SAFB: variants seen among roughly 807,000 people sequenced by gnomAD.
SAFB encodes scaffold attachment factor B.
SAFB carries 15 observed loss-of-function variants against 101.6 expected under a neutral mutation model. The observed-to-expected ratio is 0.15, with a 90% CI of 0.10 to 0.23. The LOEUF is 0.23. Among genes scored for constraint, SAFB ranks in the 10% least tolerant of loss-of-function variants. The pLI is 1.00. For synonymous variants in SAFB, 449 were observed against 407.5 expected, an observed-to-expected ratio of 1.10 and a Z score of -1.23; for missense variants, 930 against 1,104.1, an observed-to-expected ratio of 0.84 and a Z score of 2.23.
intron 13 of SAFB, among the ~76,000 whole-genome samples, chr19:5,655,054 T>G (rs2054025472): frequency 1.3e-5 from 2 of 152,182 alleles, no homozygotes; most frequent in African/African-American, 4.8e-5. Flanking sequence ...CCGTGATGCA[T>G]TCCTACACCC....
rs373383218 is a variant in SAFB at position 5,658,625 on chromosome 19, C to T, written c.1862+1278C>T. On this transcript the variant is annotated intron_variant, in intron 14 of 20. Coordinates refer to ENST00000588852, the MANE Select transcript of SAFB (RefSeq NM_001201338.2). The stretch of plus-strand genomic sequence containing the variant: ...GAGGCCGACCGAGGCTGGCGGATCA[C>T]GAGGTCAGGAGATCGAGACCATCCT... Among the ~76,000 whole-genome samples, 183 of 149,568 alleles carry T rather than the reference C, an allele frequency of 1.2e-3. 1 individual carries two copies. The highest frequency in any genetic ancestry group is 4.4e-3 in the African/African-American group (177 of 40,522).
At chr19:5,641,309 AG>A (rs2053708095) in intron 2 of SAFB, among the ~76,000 whole-genome samples, 1 of 152,188 alleles carries the variant, frequency 6.6e-6, no homozygotes, top group Non-Finnish European at 1.5e-5. Flanking sequence ...TGGGATAGGA[AG>A]AAGGGCAGAG....
chr19:5,653,489 T>A, intron 11 of SAFB, 69 bp downstream of exon 11: 1 of 1,392,922 alleles, frequency 7.2e-7, no homozygotes, highest in Non-Finnish European at 1.0e-6. Context: ...GTTTTTGAGA[T>A]GGAGTCGCGC....
chr19:5,627,547 A>G (rs1170009042), intron 2 of SAFB, among the ~76,000 whole-genome samples: 8 of 152,120 alleles, frequency 5.3e-5, no homozygotes, highest in Admixed American at 5.2e-4. Context: ...TCACTTTAAC[A>G]TTTCTTTTAA....
intron 15 of SAFB, 93 bp from the exon 16 acceptor site, chr19:5,663,929 G>T (rs2054271677): frequency 1.5e-6 from 2 of 1,371,648 alleles, no homozygotes; most frequent in Non-Finnish European, 2.0e-6. Flanking sequence ...AGTCATCCTG[G>T]TTCTGTGAAG....
At position 5,623,279 on chromosome 19, in the gene SAFB, A is replaced by G; in HGVS notation, c.74A>G (p.Glu25Gly). ...GAAALSSASS[E>G]TGTRRLSDLR... is the part of the protein sequence containing the mutation. The stretch of plus-strand genomic sequence containing the variant: ...GCGGCTCTGAGCTCCGCCTCGTCAG[A>G]GACCGGGACGCGGCGCCTCAGCGAC... The change falls in exon 1 of 21, where the codon GAG becomes GGG. Residue 25 changes from glutamate to glycine, a missense_variant. Physicochemically the swap from Glu to Gly is moderately conservative, Grantham distance 98. Around this residue, in one of 7 missense-constraint regions of SAFB, gnomAD observed 44 missense variants for 35.8 expected, o/e 1.23. Coordinates refer to ENST00000588852, the MANE Select transcript of SAFB (RefSeq NM_001201338.2). The G allele has an allele frequency of 6.2e-7, 1 of 1,612,658 alleles. No individual in the cohort carries two copies. Among genetic ancestry groups the G allele is most frequent in the Non-Finnish European group, 8.5e-7 (1 of 1,179,384 alleles).
At chr19:5,651,197 T>C (rs2053931089) in intron 9 of SAFB, 125 bp downstream of exon 9, 1 of 595,508 alleles carries the variant, frequency 1.7e-6, no homozygotes, top group Non-Finnish European at 2.9e-6. Context: ...TGCTAATGGC[T>C]GGGGAGGGTC....
At chr19:5,640,911 G>A (rs903073020) in intron 2 of SAFB, among the ~76,000 whole-genome samples, 5 of 149,718 alleles carry the variant, frequency 3.3e-5, no homozygotes. Flanking sequence ...TATCTTGATA[G>A]TATGTGGGTT....
In SAFB at chr19:5,667,578, G is replaced by A. The variant is rs1404484686; in HGVS notation, c.2557+128G>A. The stretch of plus-strand genomic sequence containing the variant: ...TCAGTGCTGGAATGAGGAATGAAGA[G>A]CACTCCAGACACCGCCTGCTCTCTG... On this transcript the variant is annotated intron_variant, in intron 19 of 20. Transcript: ENST00000588852. This position sits in a 1 kb window ranked among gnomAD's most constrained non-coding sequence, Gnocchi z 4.0. 2 of 752,540 alleles carry A rather than the reference G, an allele frequency of 2.7e-6. No homozygotes were observed. The highest frequency in any genetic ancestry group is 2.7e-5 in the East Asian group (1 of 36,684). 46.6% of individuals were successfully genotyped at this position (752,540 alleles called of 1,614,324 possible).
In SAFB at chr19:5,661,728, C is replaced by G; in HGVS notation, c.2073C>G (p.Arg691=). The change falls in exon 15 of 21, where the codon CGC becomes CGG. Residue 691 remains arginine (R), a synonymous_variant. Coordinates refer to ENST00000588852, the MANE Select transcript of SAFB (RefSeq NM_001201338.2). ...RREQERIHRE[R]EELRRQQELR... ...AGCAGGAGCGCATCCACCGTGAGCG[C>G]GAGGAGCTGAGGCGCCAGCAGGAAC... 6.3e-7 allele frequency: 1 copy of G among 1,594,654 alleles called. No individual in the cohort carries two copies. The highest frequency in any genetic ancestry group is 8.5e-7 in the Non-Finnish European group (1 of 1,172,840).
At chr19:5,624,687 A>ATTTT (rs35651330) in intron 1 of SAFB, among the ~76,000 whole-genome samples, 9 of 121,586 alleles carry the variant, frequency 7.4e-5, no homozygotes, top group African/African-American at 1.2e-4. Flanking sequence ...AGAAGTAGGG[A>ATTTT]TTTTTTTTTT....
At position 5,667,527 on chromosome 19, in the gene SAFB, G is replaced by T. The variant is rs959878213; in HGVS notation, c.2557+77G>T. On this transcript the variant is annotated intron_variant, in intron 19 of 20. Coordinates refer to ENST00000588852, the MANE Select transcript of SAFB (RefSeq NM_001201338.2). This position sits in a 1 kb window ranked among gnomAD's most constrained non-coding sequence, Gnocchi z 4.0. ...GATGGAGGCCGCGCCTTCTCTCCTT[G>T]GGGGAGCACAGGAGGTGCTCTGCTC... is the stretch of plus-strand genomic sequence containing the variant. The T allele has an allele frequency of 6.7e-6, 7 of 1,039,264 alleles. No individual in the cohort carries two copies. The highest frequency in any genetic ancestry group is 2.8e-4 in the Middle Eastern group (1 of 3,534). The allele number at this position is 1,039,264 out of a possible 1,614,324, so 64.4% of individuals were successfully genotyped here. A position where few individuals can be genotyped will look rare whatever the true frequency, so the allele number is the denominator to read the frequency against.
At chr19:5,627,230 A>T (rs927029022) in intron 2 of SAFB, among the ~76,000 whole-genome samples, 2 of 151,866 alleles carry the variant, frequency 1.3e-5, no homozygotes. Context: ...CTGTAATCCC[A>T]ACACTTTGGG....
intron 14 of SAFB, among the ~76,000 whole-genome samples, 174 bp downstream of exon 14, chr19:5,657,521 T>C (rs1459263281): frequency 6.6e-6 from 1 of 152,150 alleles, no homozygotes; most frequent in Non-Finnish European, 1.5e-5. Context: ...ACGGCTCTTT[T>C]CTTTTCTTTT....
intron 17 of SAFB, chr19:5,664,920 T>G (rs2054294752): frequency 6.0e-6 from 1 of 166,270 alleles, no homozygotes; most frequent in African/African-American, 2.4e-5. Flanking sequence ...CTCATTCTCT[T>G]CGGGGGCTAG....
rs1454001957 is a variant in SAFB, at chr19:5,623,258, C to G, written c.53C>G (p.Ala18Gly). The part of the protein sequence containing the change: ...LGDSGAAGAA[A>G]LSSASSETGT... ...GATTCTGGAGCGGCGGGCGCGGCGGCTCTGAGCTCCGCCTCGTCAGAGACC... is the reference window on the plus strand; with the variant it reads ...GATTCTGGAGCGGCGGGCGCGGCGGGTCTGAGCTCCGCCTCGTCAGAGACC... The change falls in exon 1 of 21, where the codon GCT (alanine) becomes GGT (glycine). Residue 18 changes from alanine (A) to glycine (G), a missense_variant. Coordinates refer to ENST00000588852, the MANE Select transcript of SAFB (RefSeq NM_001201338.2). The G allele has an allele frequency of 6.3e-7, 1 of 1,582,918 alleles. No homozygotes were observed.
At chr19:5,645,536 G>T in intron 5 of SAFB, 137 bp downstream of exon 5, 1 of 547,018 alleles carries the variant, frequency 1.8e-6, no homozygotes, top group Non-Finnish European at 3.3e-6. Context: ...TCGTTAATGG[G>T]TGTTTGCTTT....
In SAFB at chr19:5,647,846, G is replaced by A. The variant is rs2053857067; in HGVS notation, c.610-170G>A. Among the ~76,000 whole-genome samples the A allele has an allele frequency of 2.0e-5, 3 of 152,204 alleles. No homozygotes were observed. In the South Asian group the frequency reaches 6.2e-4, roughly 31 times the overall value. ...GGAGGGTGGGCTGAGTGAAGTGGAT[G>A]CCAGTCTTATGGAGCCATTCCTAGA... On this transcript the variant is annotated intron_variant, in intron 5 of 20. Coordinates refer to ENST00000588852, the MANE Select transcript of SAFB (RefSeq NM_001201338.2).
At chr19:5,646,835 G>C (rs1224430835) in intron 5 of SAFB, among the ~76,000 whole-genome samples, 1 of 152,178 alleles carries the variant, frequency 6.6e-6, no homozygotes, top group African/African-American at 2.4e-5. Flanking sequence ...CCATGCTCGT[G>C]GGGCCTGGCC....
Sources: gnomAD v4.1 joint callset for allele counts (sites outside exome capture counted in the v4.1 genomes callset) on GRCh38, gnomAD v4.1.1 for gene constraint, gnomAD v4.1.1 regional missense constraint, Gnocchi (gnomAD v3.1) non-coding constraint, MANE v1.5 for transcripts, NCBI Gene and HGNC (gene_info 2026-07-23, HGNC 2026-07-21) for gene names.